The following HAL variants were observed in gnomAD, a reference collection of about 807,000 sequenced individuals.
The protein encoded by HAL is histidine ammonia-lyase, also known as histidase.
In HAL, 85 loss-of-function variants were observed where a neutral mutation model predicts 81.1. The observed-to-expected ratio is 1.05, with a 90% CI of 0.88 to 1.25. HAL has a LOEUF of 1.25. HAL is among the 50% of genes most tolerant of loss of function. The pLI is 0.00. For missense variants in HAL, 798 were observed against 836.6 expected (o/e 0.95, Z 0.57); for synonymous variants, 301 against 309.2 (o/e 0.97, Z 0.28).
intron 2 of HAL, 83 bp from the exon 3 acceptor site, chr12:95,995,076 T>C: frequency 9.8e-7 from 1 of 1,020,110 alleles, no homozygotes; most frequent in Non-Finnish European, 1.6e-6. Context: ...GGCCCATCAT[T>C]GGCCCATGAA....
intron 17 of HAL, 59 bp from the exon 18 acceptor site, chr12:95,978,137 C>A: frequency 7.1e-7 from 1 of 1,406,136 alleles, no homozygotes; most frequent in South Asian, 1.2e-5. Flanking sequence ...GTCTAAAGGA[C>A]CCGTGGCTTC....
intron 17 of HAL, among the ~76,000 whole-genome samples, chr12:95,979,266 T>C (rs1295655089): frequency 1.3e-5 from 2 of 152,210 alleles, no homozygotes; most frequent in Non-Finnish European, 2.9e-5. Flanking sequence ...GGGTATTTTA[T>C]TAATAAGCAA....
rs1036927714 is a variant in HAL, at chr12:95,993,827, T to C, written c.496A>G (p.Ile166Val). ...GCAAATTTCCCAAAACCTGTAGTAA[T>C]ACCGTAAACAACTAGAATAAAAAGA... ...IIKEKTVVYGITTGFGKFART... is the reference protein window; with the variant it reads ...IIKEKTVVYGVTTGFGKFART... The change falls in exon 7 of 21, where the codon ATT becomes GTT. Residue 166 changes from isoleucine to valine, a missense_variant. By Grantham distance (29) the Ile-to-Val change is conservative. Coordinates refer to ENST00000261208, the MANE Select transcript of HAL (RefSeq NM_002108.4). 1.9e-6 allele frequency: 3 copies of C among 1,568,898 alleles called. No individual in the cohort carries two copies. The African/African-American group carries it at 4.1e-5, about 21-fold the overall frequency.
chr12:95,991,809 AG>A (rs1949973671), intron 9 of HAL, among the ~76,000 whole-genome samples: 1 of 152,226 alleles, frequency 6.6e-6, no homozygotes, highest in African/African-American at 2.4e-5. Context: ...AGACCAAGGT[AG>A]GAGTAAAAAT....
intron 15 of HAL, 188 bp downstream of exon 15, chr12:95,983,723 C>G: frequency 1.6e-6 from 1 of 617,544 alleles, no homozygotes; most frequent in Non-Finnish European, 2.9e-6. Context: ...GTTCACAGGT[C>G]ACCTCTGCCA....
rs1374079918 is a variant in HAL, at chr12:95,995,720, A to G, written c.191T>C (p.Leu64Pro). Residue 64 changes from leucine (L) to proline (P), a missense_variant, in exon 2 of 21, where the codon CTG becomes CCG. Coordinates refer to ENST00000261208, the MANE Select transcript of HAL (RefSeq NM_002108.4). ...CACCTCGAGCCGGTCCTCGTTGTCC[A>G]GCAGGCCCAGGCCCTTGCACCGGCG... ...LVRRCKGLGL[L>P]DNEDRLEVAL... The G allele has an allele frequency of 6.2e-7, 1 of 1,613,820 alleles. No individual in the cohort carries two copies. Among genetic ancestry groups the G allele is most frequent in the Admixed American group, 1.7e-5 (1 of 60,036 alleles).
chr12:95,992,452 G>A (rs1949982309), intron 9 of HAL, among the ~76,000 whole-genome samples: 1 of 151,768 alleles, frequency 6.6e-6, no homozygotes, highest in African/African-American at 2.4e-5. Context: ...ACAAATGCTA[G>A]GGAAAGGGTC....
chr12:95,995,288 C>T (rs902955287), intron 2 of HAL: 12 of 566,640 alleles, frequency 2.1e-5, no homozygotes, highest in African/African-American at 7.5e-5. Context: ...GCTATGCTGC[C>T]GGCCTCCAGT....
In HAL at chr12:95,973,434, G is replaced by A. The variant is rs1265692839; in HGVS notation, c.*798C>T. 3 of 152,154 alleles carry A rather than the reference G, an allele frequency of 2.0e-5. No individual in the cohort carries two copies. Among genetic ancestry groups the A allele is most frequent in the Non-Finnish European group, 4.4e-5 (3 of 68,018 alleles). The allele number at this position is 152,154 out of a possible 1,614,324, so 9.4% of individuals were successfully genotyped here. A position where few individuals can be genotyped will look rare whatever the true frequency, so the allele number is the denominator to read the frequency against. ...CAAAGATTCCTTATCTGTGAAATGA[G>A]GAAGGTTACAATAAGAATGTGAATA... is the stretch of plus-strand genomic sequence containing the variant. On this transcript the variant is annotated 3_prime_UTR_variant, in exon 21 of 21. Transcript: ENST00000261208.
At chr12:95,987,838 A>G (rs1949913414) in intron 11 of HAL, among the ~76,000 whole-genome samples, 1 of 140,424 alleles carries the variant, frequency 7.1e-6, no homozygotes, top group Non-Finnish European at 1.5e-5. Flanking sequence ...CCTCCAGGGT[A>G]GCTGGGATTA....
intron 8 of HAL, 34 bp downstream of exon 8, chr12:95,993,417 C>A (rs540790377): frequency 2.1e-6 from 3 of 1,419,270 alleles, no homozygotes. Flanking sequence ...TCTAATCACA[C>A]AAGATCCAGG....
intron 15 of HAL, among the ~76,000 whole-genome samples, chr12:95,983,214 C>T (rs1006416367): frequency 2.0e-5 from 3 of 152,070 alleles, no homozygotes; most frequent in African/African-American, 7.2e-5. Context: ...ACAGCAAAAC[C>T]CTGTCTCTAC....
Position 95,995,878 on chromosome 12 carries a change from T to A in HAL, c.33A>T (p.Glu11Asp), listed in dbSNP as rs118129111. Residue 11 changes from glutamate (E) to aspartate (D), a missense_variant, in exon 2 of 21, where the codon GAA becomes GAT. Transcript: ENST00000261208. ...CGTCCTGGCAGGGCACTGCCAGCCATTCCCCACGTACGTGCACCGTGTATC... is the reference window on the plus strand; with the variant it reads ...CGTCCTGGCAGGGCACTGCCAGCCAATCCCCACGTACGTGCACCGTGTATC... MPRYTVHVRGEWLAVPCQDAQ... is the reference protein window; with the variant it reads MPRYTVHVRGDWLAVPCQDAQ... 3.0e-5 allele frequency: 48 copies of A among 1,606,938 alleles called. No individual in the cohort carries two copies. The highest frequency in any genetic ancestry group is 4.0e-5 in the Non-Finnish European group (47 of 1,179,890).
In HAL at chr12:95,976,199, AT is replaced by A. The variant is rs1403416013; in HGVS notation, c.1833+229del. ...ATATTGTCCCAAAACTCCATTTAAA[AT>A]CCATTTCTGTTTCTAATCCTTAGAT... On this transcript the variant is annotated intron_variant, in intron 20 of 20. Transcript: ENST00000261208. 6 of 571,932 alleles carry A rather than the reference AT, an allele frequency of 1.0e-5. No homozygotes were observed. In the East Asian group the frequency reaches 1.8e-4, roughly 18 times the overall value. The allele number at this position is 571,932 out of a possible 1,614,324, so 35.4% of individuals were successfully genotyped here.
rs1166027411 is a variant in HAL at position 95,987,110 on chromosome 12, C to A, written c.1008G>T (p.Leu336=). 16 of 1,613,162 alleles carry A rather than the reference C, an allele frequency of 9.9e-6. No homozygotes were observed. In the Admixed American group the frequency reaches 2.3e-4, roughly 24 times the overall value. The change falls in exon 12 of 21, where the codon CTG becomes CTT. Residue 336 remains leucine (L), a synonymous_variant. Transcript: ENST00000261208. ...IARQADIVAA[L]TLEVLKGTTK... ...TGGTGCCCTTCAGCACCTCAAGGGT[C>A]AGGGCTGCCACAATGTCAGCCTGCC...
rs1280943547 is a variant in HAL, at chr12:95,985,889, T to C, written c.1206+19A>G. Reference sequence around the variant, plus strand: ...TTATTGGCATTTTTTATTGACCTTTTTTTTTTTCTTTATTTTACCTGTGGA... The same window carrying C: ...TTATTGGCATTTTTTATTGACCTTTCTTTTTTTCTTTATTTTACCTGTGGA... On this transcript the variant is annotated intron_variant, in intron 14 of 20. Transcript: ENST00000261208. 6.3e-7 allele frequency: 1 copy of C among 1,576,262 alleles called. No individual in the cohort carries two copies. Among genetic ancestry groups the C allele is most frequent in the Non-Finnish European group, 8.7e-7 (1 of 1,149,022 alleles).
chr12:95,994,765 T>A, intron 4 of HAL, 33 bp downstream of exon 4: 1 of 1,607,992 alleles, frequency 6.2e-7, no homozygotes, highest in Non-Finnish European at 8.5e-7. Flanking sequence ...GGCCTTAATT[T>A]TCTGAAGAAA....
chr12:95,981,905 G>A (rs769677409), intron 15 of HAL, among the ~76,000 whole-genome samples: 46 of 152,204 alleles, frequency 3.0e-4, no homozygotes, highest in Non-Finnish European at 6.0e-4. Flanking sequence ...CTGAGAACTT[G>A]CTGTGTGCAA....
intron 12 of HAL, among the ~76,000 whole-genome samples, 200 bp downstream of exon 12, chr12:95,986,866 AT>A (rs1229139103): frequency 6.6e-6 from 1 of 152,082 alleles, no homozygotes; most frequent in African/African-American, 2.4e-5. Context: ...GGCTGTGTGT[AT>A]CTGTAAATTG....
Sources: gnomAD v4.1 joint callset for allele counts (sites outside exome capture counted in the v4.1 genomes callset) on GRCh38, gnomAD v4.1.1 for gene constraint, MANE v1.5 for transcripts, NCBI Gene and HGNC (gene_info 2026-07-23, HGNC 2026-07-21) for gene names.